Variants in MEMO1 observed in about 807,000 individuals in gnomAD.
MEMO1 encodes the protein protein MEMO1.
MEMO1 carries 6 observed loss-of-function variants against 45.2 expected under a neutral mutation model. That is an observed-to-expected ratio of 0.13 (90% confidence interval 0.07 to 0.26). The LOEUF is 0.26. MEMO1 is among the 10% of genes least tolerant of loss of function. The pLI is 1.00. For synonymous variants in MEMO1, 78 were observed against 124.3 expected, an observed-to-expected ratio of 0.63 and a Z score of 2.48; for missense variants, 184 against 370.5, an observed-to-expected ratio of 0.50 and a Z score of 4.13.
chr2:31,903,850 C>T (rs1436029923), intron 6 of MEMO1, among the ~76,000 whole-genome samples: 2 of 152,006 alleles, frequency 1.3e-5, no homozygotes, highest in African/African-American at 4.8e-5. Flanking sequence ...TGCTCTGTGA[C>T]TGTCATTAAA....
At chr2:31,889,809 C>T (rs1421018602) in intron 7 of MEMO1, among the ~76,000 whole-genome samples, 1 of 151,906 alleles carries the variant, frequency 6.6e-6, no homozygotes, top group African/African-American at 2.4e-5. Flanking sequence ...GATGATGATA[C>T]TAAAAAATGA....
At chr2:31,964,768 A>G (rs1668415431) in intron 2 of MEMO1, among the ~76,000 whole-genome samples, 1 of 152,120 alleles carries the variant, frequency 6.6e-6, no homozygotes, top group African/African-American at 2.4e-5. Context: ...CACTGAGTAG[A>G]CAGGAAGGAA....
chr2:31,905,499 A>G (rs1234177736), intron 6 of MEMO1, among the ~76,000 whole-genome samples: 1 of 152,224 alleles, frequency 6.6e-6, no homozygotes, highest in Admixed American at 6.5e-5. Context: ...TTCAGGTACT[A>G]GAGAGCCATT....
Position 32,002,738 on chromosome 2 carries a change from A to G in MEMO1, c.61+7449T>C, listed in dbSNP as rs118110800. Among the ~76,000 whole-genome samples, 31 of 152,314 alleles carry G rather than the reference A, an allele frequency of 2.0e-4. 1 individual carries two copies. In the East Asian group the frequency reaches 6.0e-3, roughly 29 times the overall value. ...ATATACCTATGAAATATACTTAATG[A>G]AAGTTTTTGTCATTTTCATCTTCTT... is the stretch of plus-strand genomic sequence containing the variant. On this transcript the variant is annotated intron_variant, in intron 2 of 9. Transcript: ENST00000404530.
At chr2:32,004,917 A>G (rs1045108727) in intron 2 of MEMO1, among the ~76,000 whole-genome samples, 1 of 142,196 alleles carries the variant, frequency 7.0e-6, no homozygotes, top group African/African-American at 2.7e-5. Flanking sequence ...ACACAGTTAG[A>G]CCCCGTTTCA....
chr2:32,005,622 T>C (rs1673969501), intron 2 of MEMO1, among the ~76,000 whole-genome samples: 1 of 152,086 alleles, frequency 6.6e-6, no homozygotes, highest in Non-Finnish European at 1.5e-5. Context: ...AGATGCTTCA[T>C]CTATACCATG....
intron 6 of MEMO1, among the ~76,000 whole-genome samples, chr2:31,904,154 G>T (rs913959719): frequency 6.6e-6 from 1 of 152,196 alleles, no homozygotes; most frequent in Non-Finnish European, 1.5e-5. Context: ...AGTTAACATA[G>T]CTAGGCCTGA....
chr2:31,930,432 C>T (rs745398258), intron 4 of MEMO1, among the ~76,000 whole-genome samples: 4 of 152,116 alleles, frequency 2.6e-5, no homozygotes, highest in Admixed American at 6.5e-5. Flanking sequence ...CTATTTAACA[C>T]ATGCTTTCCA....
chr2:31,878,077 T>C (rs748223013), intron 8 of MEMO1, among the ~76,000 whole-genome samples: 1 of 152,112 alleles, frequency 6.6e-6, no homozygotes, highest in Non-Finnish European at 1.5e-5. Context: ...AAGGGTAGGA[T>C]GTAGGATGCA....
At chr2:31,969,017 T>C (rs186937662) in intron 2 of MEMO1, among the ~76,000 whole-genome samples, 1 of 151,994 alleles carries the variant, frequency 6.6e-6, no homozygotes, top group East Asian at 1.9e-4. Flanking sequence ...GACTACCATA[T>C]GTGCATAATA....
At chr2:31,963,714 C>G (rs902525589) in intron 2 of MEMO1, among the ~76,000 whole-genome samples, 4 of 152,114 alleles carry the variant, frequency 2.6e-5, no homozygotes, top group African/African-American at 4.8e-5. Flanking sequence ...TGAATGGCTG[C>G]CAATAGCACC....
rs748120049 is a variant in MEMO1 at position 31,932,073 on chromosome 2, G to T, written c.206C>A (p.Ser69Tyr). ...ACAAAACTACATTACTTACGTAATA[G>T]ACGGATCCACTTGTTTATAAGCATG... ...AAHAYKQVDP[S>Y]ITRRIFILGP... The change falls in exon 4 of 10, where the codon TCT (serine) becomes TAT (tyrosine). Residue 69 changes from serine to tyrosine, a missense_variant. Transcript: ENST00000404530. The T allele has an allele frequency of 6.2e-7, 1 of 1,613,010 alleles. No homozygotes were observed. Among genetic ancestry groups the T allele is most frequent in the East Asian group, 2.2e-5 (1 of 44,794 alleles).
At chr2:31,982,317 C>G (rs999407075) in intron 2 of MEMO1, among the ~76,000 whole-genome samples, 1 of 149,154 alleles carries the variant, frequency 6.7e-6, no homozygotes, top group East Asian at 2.0e-4. Context: ...AAAGGCCAGA[C>G]GCGGTGGCTC....
chr2:31,975,200 G>A (rs966645438), intron 2 of MEMO1, among the ~76,000 whole-genome samples: 3 of 151,962 alleles, frequency 2.0e-5, no homozygotes, highest in Non-Finnish European at 4.4e-5. Flanking sequence ...AATAAATAAC[G>A]TTTATTCCTA....
chr2:31,967,376 A>C (rs1227842601), intron 2 of MEMO1, among the ~76,000 whole-genome samples: 1 of 152,126 alleles, frequency 6.6e-6, no homozygotes, highest in Admixed American at 6.6e-5. Context: ...CGCCTGCCTC[A>C]GCCTCCCAAA....
chr2:31,984,429 T>C, intron 2 of MEMO1, among the ~76,000 whole-genome samples: 1 of 151,762 alleles, frequency 6.6e-6, no homozygotes, highest in East Asian at 1.9e-4. Flanking sequence ...CAAAGAAAAA[T>C]TAACAATTTG....
At chr2:31,873,441 T>C (rs905632743) in intron 8 of MEMO1, among the ~76,000 whole-genome samples, 1 of 152,140 alleles carries the variant, frequency 6.6e-6, no homozygotes, top group African/African-American at 2.4e-5. Flanking sequence ...ATATTTGTGA[T>C]GTCAAATTCC....
At chr2:31,883,234 T>C (rs1297936260) in intron 8 of MEMO1, 152 bp downstream of exon 8, 1 of 601,844 alleles carries the variant, frequency 1.7e-6, no homozygotes, top group Non-Finnish European at 2.9e-6. Context: ...GGATTATTCT[T>C]ATAGTCAGTA....
At chr2:31,935,328 G>A (rs1664782005) in intron 3 of MEMO1, among the ~76,000 whole-genome samples, 1 of 152,172 alleles carries the variant, frequency 6.6e-6, no homozygotes, top group Admixed American at 6.5e-5. Context: ...AATTCTTACA[G>A]AGCATATACC....
Sources: allele counts gnomAD v4.1 joint callset (sites outside exome capture counted in the v4.1 genomes callset), GRCh38; gene constraint gnomAD v4.1.1; transcripts MANE v1.5; gene names NCBI Gene and HGNC (gene_info 2026-07-23, HGNC 2026-07-21).